The following NRXN3 variants were observed in gnomAD, a reference collection of about 807,000 sequenced individuals.
NRXN3 encodes the protein neurexin III.
NRXN3 carries 32 observed loss-of-function variants against 137.6 expected under a neutral mutation model. That is an observed-to-expected ratio of 0.23 (90% CI 0.18 to 0.31). NRXN3 has a LOEUF of 0.31. NRXN3 is among the 10% of genes least tolerant of loss of function. The probability of loss-of-function intolerance (pLI) is 1.00; values close to 1 mark genes in which losing one functional copy is unlikely to be tolerated. For synonymous variants in NRXN3, 798 were observed against 784.5 expected, an observed-to-expected ratio of 1.02 and a Z score of -0.29; for missense variants, 1,574 against 2,062.5, an observed-to-expected ratio of 0.76 and a Z score of 4.59.
At chr14:79,860,920 C>A in intron 20 of NRXN3, 1 of 646,586 alleles carries the variant, frequency 1.5e-6, no homozygotes, top group Non-Finnish European at 2.3e-6. Context: ...TAGACTCCAT[C>A]CAGAAAAGAT....
intron 19 of NRXN3, among the ~76,000 whole-genome samples, chr14:79,766,425 T>A (rs2099056185): frequency 6.6e-6 from 1 of 152,204 alleles, no homozygotes; most frequent in Non-Finnish European, 1.5e-5. Context: ...ATTTCTTTTT[T>A]CAAAAAGCTT....
intron 1 of NRXN3, among the ~76,000 whole-genome samples, chr14:78,183,226 C>A (rs967756): frequency 0.66 from 100,229 of 151,540 alleles, 33,184 homozygotes; most frequent in Middle Eastern, 0.71. Context: ...CCTGGAAACC[C>A]TAGTAAATGA....
intron 6 of NRXN3, among the ~76,000 whole-genome samples, chr14:78,702,395 A>G (rs1215834011): frequency 6.7e-6 from 1 of 150,358 alleles, no homozygotes; most frequent in South Asian, 2.1e-4. Flanking sequence ...CCTGCCTCTT[A>G]GGCTTGACAA....
intron 15 of NRXN3, among the ~76,000 whole-genome samples, chr14:79,211,579 G>A (rs1327095363): frequency 6.6e-6 from 1 of 152,044 alleles, no homozygotes; most frequent in Non-Finnish European, 1.5e-5. Flanking sequence ...TTTCTCTAAG[G>A]TTAAACAGCT....
intron 19 of NRXN3, among the ~76,000 whole-genome samples, chr14:79,762,793 A>C (rs1363139264): frequency 6.6e-6 from 1 of 151,684 alleles, no homozygotes; most frequent in Non-Finnish European, 1.5e-5. Context: ...ACCATTACTT[A>C]AGAGAGAGGC....
chr14:79,454,284 A>G (rs1477104845), intron 15 of NRXN3, among the ~76,000 whole-genome samples: 1 of 152,034 alleles, frequency 6.6e-6, no homozygotes, highest in Non-Finnish European at 1.5e-5. Context: ...GGGTTTCACC[A>G]TGTTGGCCAC....
chr14:79,488,777 A>T (rs936647835), intron 16 of NRXN3, among the ~76,000 whole-genome samples: 1 of 152,200 alleles, frequency 6.6e-6, no homozygotes, highest in Non-Finnish European at 1.5e-5. Context: ...CTCATCAATC[A>T]ACAGGGGCAG....
At chr14:79,627,830 T>C (rs1013470558) in intron 16 of NRXN3, among the ~76,000 whole-genome samples, 1 of 152,136 alleles carries the variant, frequency 6.6e-6, no homozygotes, top group Non-Finnish European at 1.5e-5. Context: ...AGATAAGAGA[T>C]GGTAGTCAAA....
chr14:78,873,029 T>C (rs2152570845), intron 10 of NRXN3, among the ~76,000 whole-genome samples: 1 of 152,332 alleles, frequency 6.6e-6, no homozygotes, highest in Non-Finnish European at 1.5e-5. Flanking sequence ...GATCCTTATA[T>C]AGGCTTTTAG....
At position 79,094,979 on chromosome 14, in the gene NRXN3, A is replaced by AGTGTGTGTGT. The variant is rs1555740770; in HGVS notation, c.3262+106860_3262+106869dup. 5.8e-3 allele frequency among the ~76,000 whole-genome samples: 678 copies of AGTGTGTGTGT among 115,900 alleles called. 7 individuals carry two copies. The highest frequency in any genetic ancestry group is 0.02 in the East Asian group (75 of 3,746). 76.0% of individuals were successfully genotyped at this position (115,900 alleles called of 152,430 possible). On this transcript the variant is annotated intron_variant, in intron 15 of 20. Transcript: ENST00000335750. ...GAGAGAGAGAGAGAGAGAGAGAGAG[A>AGTGTGTGTGT]GTGTGTGTGTGTGTGTGTGTGTGTG...
intron 6 of NRXN3, among the ~76,000 whole-genome samples, chr14:78,702,409 G>C (rs2098292448): frequency 6.7e-6 from 1 of 149,304 alleles, no homozygotes; most frequent in Non-Finnish European, 1.5e-5. Flanking sequence ...TTGACAATTG[G>C]CTTAGAAGTT....
intron 16 of NRXN3, among the ~76,000 whole-genome samples, chr14:79,592,148 T>C (rs1052190496): frequency 1.3e-5 from 2 of 152,204 alleles, no homozygotes; most frequent in Non-Finnish European, 2.9e-5. Flanking sequence ...TTTCATGTTC[T>C]AGAATTTTAT....
chr14:79,205,419 G>A (rs1181357244), intron 15 of NRXN3, among the ~76,000 whole-genome samples: 1 of 152,174 alleles, frequency 6.6e-6, no homozygotes, highest in African/African-American at 2.4e-5. Flanking sequence ...TGCATCATAA[G>A]TAGAGCAATT....
chr14:78,943,610 TAAAAAAAAA>T (rs754141401), intron 10 of NRXN3, among the ~76,000 whole-genome samples: 3 of 28,760 alleles, frequency 1.0e-4, no homozygotes, highest in Non-Finnish European at 1.6e-4. Flanking sequence ...AGATCACTGT[TAAAAAAAAA>T]AAATATATAT....
chr14:78,947,121 T>C (rs1384404198), intron 10 of NRXN3, among the ~76,000 whole-genome samples: 1 of 152,172 alleles, frequency 6.6e-6, no homozygotes, highest in Non-Finnish European at 1.5e-5. Context: ...GGTCTTGCAG[T>C]TGCATACACC....
chr14:78,675,751 A>G (rs1473416709), intron 6 of NRXN3, among the ~76,000 whole-genome samples: 2 of 152,214 alleles, frequency 1.3e-5, no homozygotes, highest in African/African-American at 4.8e-5. Flanking sequence ...CTATTCAGGC[A>G]TACCTCATTT....
intron 15 of NRXN3, among the ~76,000 whole-genome samples, chr14:79,218,904 A>G (rs1484346085): frequency 6.6e-6 from 1 of 151,980 alleles, no homozygotes; most frequent in African/African-American, 2.4e-5. Context: ...TAAATTATCT[A>G]ATTTTATATA....
At chr14:79,503,246 G>C (rs897088936) in intron 16 of NRXN3, among the ~76,000 whole-genome samples, 1 of 152,014 alleles carries the variant, frequency 6.6e-6, no homozygotes, top group Non-Finnish European at 1.5e-5. Flanking sequence ...GAAGGGAGAC[G>C]AGTTTCCAAA....
rs2067200856 is a variant in NRXN3 at position 78,242,479 on chromosome 14, A to C, written c.-615A>C. ...GCCTGAGTCTGCTTGCGCTCTGCCC[A>C]GGGCCCTGCTCTGTCTGAGCATTGG... is the stretch of plus-strand genomic sequence containing the variant. On this transcript the variant is annotated 5_prime_UTR_variant, in exon 2 of 21. Transcript: ENST00000335750. The C allele has an allele frequency of 6.5e-6, 1 of 152,920 alleles. No individual in the cohort carries two copies. 9.5% of individuals were successfully genotyped at this position (152,920 alleles called of 1,614,324 possible).
Sources: gnomAD v4.1 joint callset for allele counts (sites outside exome capture counted in the v4.1 genomes callset) on GRCh38, gnomAD v4.1.1 for gene constraint, MANE v1.5 for transcripts, NCBI Gene and HGNC (gene_info 2026-07-23, HGNC 2026-07-21) for gene names.